PACS2: variants seen among roughly 807,000 people sequenced by gnomAD.
The protein encoded by PACS2 is PACS1-like protein.
PACS2 carries 36 observed loss-of-function variants against 113.0 expected under a neutral mutation model. That is an observed-to-expected ratio of 0.32 (90% CI 0.24 to 0.42). PACS2 has a LOEUF of 0.42. PACS2 is among the 10% of genes least tolerant of loss of function. The pLI, the probability that PACS2 is intolerant of heterozygous loss-of-function variation, is 1.00. For synonymous variants in PACS2, 589 were observed against 536.1 expected (o/e 1.10, Z -1.36); for missense variants, 1,015 against 1,239.5 (o/e 0.82, Z 2.72).
In PACS2 at chr14:105,314,967, AAC is replaced by A; in HGVS notation, c.52_53del (p.Thr18AlafsTer61). ...LGLPGAPGALNTPVPMNLFAT... is the reference protein window; with the variant it reads ...LGLPGAPGALXTPVPMNLFAT... ...CCTCCCCGGCGCGCCCGGCGCGCTC[AAC>A]ACGCCCGTGCCCATGAACCTGTTCG... On this transcript the variant is annotated frameshift_variant, in exon 1 of 25. Coordinates refer to ENST00000447393, the MANE Select transcript of PACS2 (RefSeq NM_001100913.3). LOFTEE classifies it high-confidence loss of function. 8.2e-7 allele frequency: 1 copy of A among 1,220,354 alleles called. No homozygotes were observed. Among genetic ancestry groups the A allele is most frequent in the Non-Finnish European group, 1.0e-6 (1 of 958,454 alleles). The allele number at this position is 1,220,354 out of a possible 1,614,324, so 75.6% of individuals were successfully genotyped here. A position where few individuals can be genotyped will look rare whatever the true frequency, so the allele number is the denominator to read the frequency against.
In PACS2 at chr14:105,317,849, G is replaced by GC. The variant is rs1328470445; in HGVS notation, c.119+2817dup. On this transcript the variant is annotated intron_variant, in intron 1 of 24. Transcript: ENST00000447393. The surrounding 1 kb of genome is among the most constrained non-coding windows in gnomAD (Gnocchi z 4.2). Reference sequence around the variant, plus strand: ...TTCTGGGAGGCAGCCGGAGAAGTCTGCCCCCGGGAGCTTGAACTGGGCATG... The same window carrying GC: ...TTCTGGGAGGCAGCCGGAGAAGTCTGCCCCCCGGGAGCTTGAACTGGGCATG... Among the ~76,000 whole-genome samples, 3 of 152,110 alleles carry GC rather than the reference G, an allele frequency of 2.0e-5. No individual in the cohort carries two copies. Among genetic ancestry groups the GC allele is most frequent in the African/African-American group, 7.2e-5 (3 of 41,412 alleles).
At chr14:105,339,865 A>G (rs587734148) in intron 1 of PACS2, among the ~76,000 whole-genome samples, 1 of 152,352 alleles carries the variant, frequency 6.6e-6, no homozygotes, top group African/African-American at 2.4e-5. Context: ...GCTGGTTTCA[A>G]ACTCCTGACC....
At chr14:105,381,504 G>A (rs1397154108) in intron 12 of PACS2, among the ~76,000 whole-genome samples, 1 of 152,256 alleles carries the variant, frequency 6.6e-6, no homozygotes, top group Non-Finnish European at 1.5e-5. Flanking sequence ...TTACCTTGTG[G>A]TGGCACGCAG....
chr14:105,389,616 T>C, intron 19 of PACS2: 1 of 342,668 alleles, frequency 2.9e-6, no homozygotes, highest in Non-Finnish European at 5.6e-6. Flanking sequence ...AGGGCTGAGC[T>C]GGCTGTGTGG....
upstream of PACS2, among the ~76,000 whole-genome samples, chr14:105,310,301 C>A (rs1007278361): frequency 3.3e-5 from 5 of 150,772 alleles, no homozygotes; most frequent in African/African-American, 1.2e-4. Flanking sequence ...GAGGTCGAGG[C>A]GGGCGGATCA....
chr14:105,367,999 G>T lies in PACS2; in HGVS notation c.587-75G>T, dbSNP rs1324398290. 6.5e-6 allele frequency: 6 copies of T among 928,404 alleles called. No homozygotes were observed. In the African/African-American group the frequency reaches 9.7e-5, roughly 15 times the overall value. 57.5% of individuals were successfully genotyped at this position (928,404 alleles called of 1,614,324 possible). A position where few individuals can be genotyped will look rare whatever the true frequency, so the allele number is the denominator to read the frequency against. ...CTGCCCCCACTCTGTGTCCAGGGAA[G>T]CCTGGGGGTGGTCACTGCCTGGTTT... is the stretch of plus-strand genomic sequence containing the variant. On this transcript the variant is annotated intron_variant, in intron 5 of 24. Coordinates refer to ENST00000447393, the MANE Select transcript of PACS2 (RefSeq NM_001100913.3).
rs1595724720 is a variant in PACS2 at position 105,370,140 on chromosome 14, C to T, written c.801+240C>T. 3 of 450,394 alleles carry T rather than the reference C, an allele frequency of 6.7e-6. No individual in the cohort carries two copies. The East Asian group carries it at 1.1e-4, about 17-fold the overall frequency. The allele number at this position is 450,394 out of a possible 1,614,324, so 27.9% of individuals were successfully genotyped here. A position where few individuals can be genotyped will look rare whatever the true frequency, so the allele number is the denominator to read the frequency against. On this transcript the variant is annotated intron_variant, in intron 8 of 24. Coordinates refer to ENST00000447393, the MANE Select transcript of PACS2 (RefSeq NM_001100913.3). Reference sequence around the variant, plus strand: ...GTGAATACCCTGGAAGTCGGAAAGTCATTTTCAGGGGGATGTAACCATTAG... The same window carrying T: ...GTGAATACCCTGGAAGTCGGAAAGTTATTTTCAGGGGGATGTAACCATTAG...
At chr14:105,380,466 C>T (rs1302906329) in intron 11 of PACS2, among the ~76,000 whole-genome samples, 2 of 149,680 alleles carry the variant, frequency 1.3e-5, no homozygotes, top group East Asian at 2.0e-4. Flanking sequence ...CAGCTGGACT[C>T]CCCCCACCCT....
At chr14:105,378,978 G>A (rs1555411198) in intron 9 of PACS2, among the ~76,000 whole-genome samples, 1 of 152,068 alleles carries the variant, frequency 6.6e-6, no homozygotes, top group African/African-American at 2.4e-5. Context: ...GCCTGGATCA[G>A]CCTGGATCAG....
Sources: allele counts gnomAD v4.1 joint callset (sites outside exome capture counted in the v4.1 genomes callset), GRCh38; gene constraint gnomAD v4.1.1; non-coding constraint Gnocchi (gnomAD v3.1); transcripts MANE v1.5; gene names NCBI Gene and HGNC (gene_info 2026-07-23, HGNC 2026-07-21).